MYO16: variants seen among roughly 807,000 people sequenced by gnomAD.
MYO16 encodes unconventional myosin-XVI.
MYO16 carries 94 observed loss-of-function variants against 205.3 expected under a neutral mutation model. The ratio of observed to expected loss-of-function variants is 0.46; its 90% CI spans 0.39 to 0.54. MYO16 has a LOEUF of 0.54. Ranked by LOEUF, MYO16 falls within the 20% of genes least tolerant of loss-of-function variation. MYO16 has a pLI of 0.00. For synonymous variants in MYO16, 988 were observed against 954.0 expected, an observed-to-expected ratio of 1.04 and a Z score of -0.66; for missense variants, 2,315 against 2,387.5, an observed-to-expected ratio of 0.97 and a Z score of 0.63.
At chr13:108,680,040 G>T (rs898642462) in intron 2 of MYO16, among the ~76,000 whole-genome samples, 15 of 152,224 alleles carry the variant, frequency 9.9e-5, no homozygotes, top group African/African-American at 3.6e-4. Flanking sequence ...CCCAGTTTCT[G>T]TCTGAGCTCT....
chr13:108,658,146 G>A (rs1399270800), intron 1 of MYO16, among the ~76,000 whole-genome samples: 2 of 152,142 alleles, frequency 1.3e-5, no homozygotes, highest in African/African-American at 4.8e-5. Flanking sequence ...GGATGAAAAT[G>A]CAGGTTATCT....
intron 20 of MYO16, among the ~76,000 whole-genome samples, chr13:108,986,715 T>C (rs1884650530): frequency 1.3e-5 from 2 of 152,130 alleles, no homozygotes; most frequent in Admixed American, 6.6e-5. Context: ...TGATCTGTTA[T>C]TATGTATACT....
intron 4 of MYO16, among the ~76,000 whole-genome samples, chr13:108,771,188 T>A (rs1299492734): frequency 6.6e-6 from 1 of 152,166 alleles, no homozygotes; most frequent in Non-Finnish European, 1.5e-5. Context: ...TATATAGATA[T>A]ATACACGGGG....
intron 2 of MYO16, among the ~76,000 whole-genome samples, chr13:108,692,231 C>A (rs763184737): frequency 6.6e-6 from 1 of 152,174 alleles, no homozygotes; most frequent in Non-Finnish European, 1.5e-5. Context: ...AAAGAATGAT[C>A]TTCATCATGT....
chr13:109,102,643 A>G (rs898163750), intron 28 of MYO16, among the ~76,000 whole-genome samples: 4 of 152,102 alleles, frequency 2.6e-5, no homozygotes, highest in African/African-American at 4.8e-5. Flanking sequence ...AGTAACCACA[A>G]TATCTGAGCA....
chr13:109,033,083 G>A (rs1042913522), intron 23 of MYO16, among the ~76,000 whole-genome samples: 2 of 152,098 alleles, frequency 1.3e-5, no homozygotes, highest in Non-Finnish European at 2.9e-5. Flanking sequence ...TGCCCCTAAA[G>A]GCCCACCTAG....
intron 33 of MYO16, among the ~76,000 whole-genome samples, chr13:109,167,684 G>A (rs867871818): frequency 2.6e-5 from 4 of 152,064 alleles, no homozygotes; most frequent in African/African-American, 7.2e-5. Context: ...AACTTTCCTA[G>A]GTGTATCATA....
rs1594390168 is a variant in MYO16, at chr13:108,912,148, AAC to A, written c.1925+1999_1925+2000del. Among the ~76,000 whole-genome samples, 7 of 152,254 alleles carry A rather than the reference AAC, an allele frequency of 4.6e-5. No individual in the cohort carries two copies. The East Asian group carries it at 1.4e-3, about 29-fold the overall frequency. ...GAACTGCTTGGAGAAATTACAGGAC[AAC>A]CTCTGTCCCGCCACTGCTGTGAGGG... On this transcript the variant is annotated intron_variant, in intron 16 of 34. Transcript: ENST00000457511.
chr13:108,633,613 G>T (rs1308278677), intron 1 of MYO16, among the ~76,000 whole-genome samples: 3 of 152,136 alleles, frequency 2.0e-5, no homozygotes, highest in Non-Finnish European at 4.4e-5. Context: ...AATCTCCTTT[G>T]ACATCACCCT....
chr13:108,598,174 T>C (rs1878631207), intron 1 of MYO16, among the ~76,000 whole-genome samples: 1 of 152,222 alleles, frequency 6.6e-6, no homozygotes, highest in African/African-American at 2.4e-5. Context: ...TATTGAGCAC[T>C]GCCATGAGCC....
chr13:109,015,706 A>G (rs1885787431), intron 22 of MYO16, among the ~76,000 whole-genome samples: 1 of 152,230 alleles, frequency 6.6e-6, no homozygotes, highest in Admixed American at 6.5e-5. Context: ...GTATGTGTCC[A>G]GGAATTTATC....
the MYO16 span, among the ~76,000 whole-genome samples, chr13:108,520,654 T>G: frequency 6.6e-6 from 1 of 152,232 alleles, no homozygotes; most frequent in Non-Finnish European, 1.5e-5. Context: ...TACATTGAAA[T>G]GTTCATCAGT....
At chr13:108,754,055 A>G (rs1885337484) in intron 4 of MYO16, among the ~76,000 whole-genome samples, 1 of 152,252 alleles carries the variant, frequency 6.6e-6, no homozygotes, top group Non-Finnish European at 1.5e-5. Context: ...TGTTGCTGTC[A>G]CAGCACTCAG....
chr13:109,050,838 C>T (rs1201853359), intron 24 of MYO16, among the ~76,000 whole-genome samples: 1 of 151,518 alleles, frequency 6.6e-6, no homozygotes, highest in Non-Finnish European at 1.5e-5. Context: ...AAGCTAGCTC[C>T]TATTTCTTTT....
the MYO16 span, among the ~76,000 whole-genome samples, chr13:108,503,251 A>G: frequency 6.6e-6 from 1 of 152,156 alleles, no homozygotes; most frequent in Non-Finnish European, 1.5e-5. Flanking sequence ...TGAGATGGTG[A>G]ATATGTGGAA....
intron 30 of MYO16, among the ~76,000 whole-genome samples, chr13:109,126,442 T>C (rs1417650244): frequency 6.6e-6 from 1 of 152,220 alleles, no homozygotes; most frequent in Non-Finnish European, 1.5e-5. Flanking sequence ...AATGAATGCA[T>C]TGGCATCTTG....
intron 16 of MYO16, among the ~76,000 whole-genome samples, chr13:108,940,971 G>A (rs1229045421): frequency 6.6e-6 from 1 of 152,216 alleles, no homozygotes; most frequent in Non-Finnish European, 1.5e-5. Flanking sequence ...TAATGTGTCT[G>A]TAGTAACCAA....
chr13:109,067,135 T>G (rs1388833515), intron 27 of MYO16, among the ~76,000 whole-genome samples: 2 of 152,206 alleles, frequency 1.3e-5, no homozygotes, highest in Non-Finnish European at 2.9e-5. Context: ...GTGTACCTGC[T>G]GGGAGTCGGA....
At chr13:108,842,382 CTAAAG>C (rs764341419) in intron 9 of MYO16, among the ~76,000 whole-genome samples, 3 of 151,830 alleles carry the variant, frequency 2.0e-5, no homozygotes, top group Non-Finnish European at 2.9e-5. Context: ...GGGTAAATAT[CTAAAG>C]TATGTAATGA....
Sources: gnomAD v4.1 joint callset for allele counts (sites outside exome capture counted in the v4.1 genomes callset) on GRCh38, gnomAD v4.1.1 for gene constraint, MANE v1.5 for transcripts, NCBI Gene and HGNC (gene_info 2026-07-23, HGNC 2026-07-21) for gene names.